ERBB4: variants seen among roughly 807,000 people sequenced by gnomAD.
ERBB4 encodes the protein erb-b2 receptor tyrosine kinase 4, also known as receptor tyrosine-protein kinase erbB-4.
In ERBB4, 42 loss-of-function variants were observed where a neutral mutation model predicts 158.0. The observed-to-expected ratio is 0.27, with a 90% CI of 0.21 to 0.34. The LOEUF (loss-of-function observed/expected upper bound fraction) is 0.34. Among genes scored for constraint, ERBB4 ranks in the 10% least tolerant of loss-of-function variants. The pLI is 1.00. For missense variants in ERBB4, 1,333 were observed against 1,624.1 expected (o/e 0.82, Z 3.08); for synonymous variants, 583 against 558.7 (o/e 1.04, Z -0.61).
intron 2 of ERBB4, among the ~76,000 whole-genome samples, chr2:211,981,636 T>A (rs2081799077): frequency 6.6e-6 from 1 of 152,198 alleles, no homozygotes; most frequent in African/African-American, 2.4e-5. Context: ...CTCCCTTACA[T>A]CCTGATGTGC....
intron 1 of ERBB4, among the ~76,000 whole-genome samples, chr2:212,459,845 C>T (rs1041877115): frequency 6.6e-6 from 1 of 152,066 alleles, no homozygotes; most frequent in African/African-American, 2.4e-5. Flanking sequence ...TGAGAAAGGA[C>T]AATCTTTTCA....
chr2:211,594,393 C>T (rs1003673931), intron 19 of ERBB4, among the ~76,000 whole-genome samples: 14 of 151,772 alleles, frequency 9.2e-5, no homozygotes, highest in Admixed American at 6.6e-4. Flanking sequence ...GAGCTGAAAT[C>T]GCACCACTGC....
intron 1 of ERBB4, among the ~76,000 whole-genome samples, chr2:212,290,867 G>A (rs918080001): frequency 3.9e-5 from 6 of 152,056 alleles, no homozygotes; most frequent in Non-Finnish European, 5.9e-5. Flanking sequence ...AAAAAAAAAT[G>A]TCTATTCTCA....
chr2:211,668,083 A>G (rs10174084), intron 14 of ERBB4, among the ~76,000 whole-genome samples: 11,085 of 152,268 alleles, frequency 0.073, 613 homozygotes, highest in Non-Finnish European at 0.11. Flanking sequence ...ACTGCACAGC[A>G]TATTACTGTA....
intron 25 of ERBB4, among the ~76,000 whole-genome samples, chr2:211,415,676 C>T (rs1325822068): frequency 1.3e-5 from 2 of 151,922 alleles, no homozygotes; most frequent in Non-Finnish European, 2.9e-5. Flanking sequence ...AATCTGAGAG[C>T]AAAGTGATAT....
At chr2:211,599,532 T>C (rs1035530546) in intron 19 of ERBB4, among the ~76,000 whole-genome samples, 1 of 150,888 alleles carries the variant, frequency 6.6e-6, no homozygotes, top group African/African-American at 2.4e-5. Flanking sequence ...TGTGTGTGTG[T>C]GTGTTTCCTG....
At chr2:211,464,317 GA>G (rs1424792179) in intron 20 of ERBB4, among the ~76,000 whole-genome samples, 1 of 152,186 alleles carries the variant, frequency 6.6e-6, no homozygotes, top group Non-Finnish European at 1.5e-5. Flanking sequence ...AATTAATGAT[GA>G]GGCACTGCGT....
chr2:212,387,906 C>G (rs975270834), intron 1 of ERBB4, among the ~76,000 whole-genome samples: 1 of 152,012 alleles, frequency 6.6e-6, no homozygotes, highest in African/African-American at 2.4e-5. Context: ...ATATTCAGAG[C>G]ATTGTATAAT....
At chr2:211,523,845 T>G (rs966427259) in intron 20 of ERBB4, among the ~76,000 whole-genome samples, 2 of 152,110 alleles carry the variant, frequency 1.3e-5, no homozygotes, top group African/African-American at 4.8e-5. Context: ...TATTCTCTTA[T>G]CTGGCCCCAC....
intron 20 of ERBB4, among the ~76,000 whole-genome samples, chr2:211,524,300 G>A (rs567071082): frequency 3.9e-5 from 6 of 152,298 alleles, no homozygotes; most frequent in Non-Finnish European, 7.3e-5. Context: ...AGACTCAGGA[G>A]CCCAGCTGGC....
intron 1 of ERBB4, among the ~76,000 whole-genome samples, chr2:212,384,746 G>A (rs1175064808): frequency 2.0e-5 from 3 of 151,162 alleles, no homozygotes; most frequent in East Asian, 3.9e-4. Flanking sequence ...CCTAAAGTTA[G>A]TTTTCTAAAG....
At chr2:211,841,995 C>T (rs1185382528) in intron 3 of ERBB4, among the ~76,000 whole-genome samples, 1 of 151,832 alleles carries the variant, frequency 6.6e-6, no homozygotes, top group Non-Finnish European at 1.5e-5. Flanking sequence ...CCCAGAATTA[C>T]CACCCTCAAG....
intron 1 of ERBB4, among the ~76,000 whole-genome samples, chr2:212,373,938 T>TA (rs2090204116): frequency 1.2e-5 from 1 of 82,718 alleles, no homozygotes; most frequent in African/African-American, 6.8e-5. Flanking sequence ...TCCATATATA[T>TA]CCATATATAT....
At chr2:212,506,822 A>G (rs80274178) in intron 1 of ERBB4, among the ~76,000 whole-genome samples, 2,573 of 152,312 alleles carry the variant, frequency 0.017, 71 homozygotes, top group African/African-American at 0.059. Context: ...ACAAGTGCTG[A>G]TGTAGAATCT....
chr2:211,537,252 A>T (rs889123519), intron 20 of ERBB4, among the ~76,000 whole-genome samples: 1 of 152,006 alleles, frequency 6.6e-6, no homozygotes, highest in African/African-American at 2.4e-5. Context: ...CTACTACAAT[A>T]GCTTATAATG....
intron 1 of ERBB4, among the ~76,000 whole-genome samples, chr2:212,218,828 CATA>C (rs1189389966): frequency 6.6e-6 from 1 of 151,318 alleles, no homozygotes; most frequent in African/African-American, 2.4e-5. Context: ...TTAATTTACA[CATA>C]ATATATAGAA....
Position 211,840,307 on chromosome 2 carries a change from T to TGATTGTGAGGTCTCTCCAGCCATGTGG in ERBB4, c.422-52175_422-52149dup, listed in dbSNP as rs369085152. On this transcript the variant is annotated intron_variant, in intron 3 of 27. Coordinates refer to ENST00000342788, the MANE Select transcript of ERBB4 (RefSeq NM_005235.3). ...TTTGCTCCTCCTTTGCCTTCCACCA[T>TGATTGTGAGGTCTCTCCAGCCATGTGG]GATTGTGAGGTCTCTCCAGCCATGT... Among the ~76,000 whole-genome samples the TGATTGTGAGGTCTCTCCAGCCATGTGG allele has an allele frequency of 6.8e-4, 103 of 152,152 alleles. 1 individual carries two copies. Among genetic ancestry groups the TGATTGTGAGGTCTCTCCAGCCATGTGG allele is most frequent in the African/African-American group, 2.4e-3 (100 of 41,546 alleles).
chr2:212,531,294 C>T (rs1692743273), intron 1 of ERBB4, among the ~76,000 whole-genome samples: 1 of 152,154 alleles, frequency 6.6e-6, no homozygotes, highest in South Asian at 2.1e-4. Flanking sequence ...CAGCTACAAC[C>T]AGAGAGCATT....
intron 3 of ERBB4, among the ~76,000 whole-genome samples, chr2:211,817,972 C>G (rs561263999): frequency 6.6e-6 from 1 of 152,220 alleles, no homozygotes; most frequent in Admixed American, 6.5e-5. Context: ...CAGATAAGAA[C>G]TCATATCTTG....
Sources: allele counts gnomAD v4.1 joint callset (sites outside exome capture counted in the v4.1 genomes callset), GRCh38; gene constraint gnomAD v4.1.1; transcripts MANE v1.5; gene names NCBI Gene and HGNC (gene_info 2026-07-23, HGNC 2026-07-21).